REV1: variants seen among roughly 807,000 people sequenced by gnomAD.
REV1 encodes REV1 DNA directed polymerase, also known as translesion synthesis protein REV1.
Under a neutral mutation model 137.4 loss-of-function variants are expected in REV1, and 42 were observed. The ratio of observed to expected loss-of-function variants is 0.31; its 90% CI spans 0.24 to 0.40. The LOEUF is 0.40. Ranked by LOEUF, REV1 falls within the 10% of genes least tolerant of loss-of-function variation. The pLI is 1.00. For missense variants in REV1, 1,282 were observed against 1,490.1 expected, an observed-to-expected ratio of 0.86 and a Z score of 2.30; for synonymous variants, 524 against 519.2, an observed-to-expected ratio of 1.01 and a Z score of -0.12.
At chr2:99,445,572 G>A (rs1682094965) in intron 4 of REV1, among the ~76,000 whole-genome samples, 1 of 152,154 alleles carries the variant, frequency 6.6e-6, no homozygotes, top group Admixed American at 6.5e-5. Flanking sequence ...CAGGTTTGGT[G>A]GGCCAGTGGG....
intron 16 of REV1, 95 bp from the exon 17 acceptor site, chr2:99,406,201 T>G: frequency 7.2e-7 from 1 of 1,387,356 alleles, no homozygotes; most frequent in Non-Finnish European, 9.7e-7. Context: ...TTATTACTGA[T>G]TCATCATAAT....
intron 1 of REV1, among the ~76,000 whole-genome samples, chr2:99,488,831 G>C (rs1052785057): frequency 6.6e-6 from 1 of 152,206 alleles, no homozygotes; most frequent in African/African-American, 2.4e-5. Flanking sequence ...GGAAAGACCA[G>C]ACAGATACAC....
chr2:99,468,640 T>C (rs1685079062), intron 1 of REV1, among the ~76,000 whole-genome samples: 1 of 152,210 alleles, frequency 6.6e-6, no homozygotes, highest in South Asian at 2.1e-4. Context: ...GTGATAACAG[T>C]TTCTGAAACT....
At chr2:99,431,648 T>C in intron 8 of REV1, 1 of 801,618 alleles carries the variant, frequency 1.2e-6, no homozygotes, top group Non-Finnish European at 1.5e-6. Context: ...AAACTTATGC[T>C]TGAGGAGAGA....
intron 11 of REV1, 29 bp from the exon 12 acceptor site, chr2:99,418,976 T>A: frequency 6.5e-7 from 1 of 1,544,166 alleles, no homozygotes; most frequent in African/African-American, 1.4e-5. Flanking sequence ...ATCCAAGAAA[T>A]AGTCACAATT....
chr2:99,446,168 CT>C (rs1559363131), intron 4 of REV1, among the ~76,000 whole-genome samples: 3 of 152,088 alleles, frequency 2.0e-5, no homozygotes, highest in African/African-American at 7.2e-5. Context: ...CTATAACAAG[CT>C]TAATTAAATG....
chr2:99,441,488 T>C (rs763362724), intron 5 of REV1, among the ~76,000 whole-genome samples: 2 of 151,944 alleles, frequency 1.3e-5, no homozygotes, highest in Admixed American at 1.3e-4. Flanking sequence ...AGCAGCCACA[T>C]GGAATAGTCT....
intron 1 of REV1, among the ~76,000 whole-genome samples, chr2:99,485,602 T>C (rs1232033616): frequency 3.3e-5 from 5 of 152,318 alleles, no homozygotes; most frequent in Admixed American, 6.5e-5. Flanking sequence ...GGGAACTCTA[T>C]AAAAGCCACT....
Position 99,402,279 on chromosome 2 carries a change from C to A in REV1, c.3609G>T (p.Leu1203Phe). 6.7e-7 allele frequency: 1 copy of A among 1,485,596 alleles called. No homozygotes were observed. The highest frequency in any genetic ancestry group is 1.2e-5 in the South Asian group (1 of 82,016). The allele number at this position is 1,485,596 out of a possible 1,614,324, so 92.0% of individuals were successfully genotyped here. ...ATTTTATAACTAGATCCAGTTTTTC[C>A]AAATCTTTTTCTTCTATTAGATCAG... ...YCTDLIEEKDLEKLDLVIKYM... is the reference protein window; with the variant it reads ...YCTDLIEEKDFEKLDLVIKYM... The change falls in exon 22 of 23, where the codon TTG becomes TTT. Residue 1203 changes from leucine to phenylalanine, a missense_variant. This residue lies in a region of REV1 where 43 missense variants were observed against 79.1 expected (regional missense o/e 0.54). Coordinates refer to ENST00000258428, the MANE Select transcript of REV1 (RefSeq NM_016316.4).
intron 1 of REV1, among the ~76,000 whole-genome samples, chr2:99,472,090 G>C (rs1297075521): frequency 1.3e-5 from 2 of 151,970 alleles, no homozygotes. Flanking sequence ...GACACAAAGA[G>C]GTATTTATTT....
intron 12 of REV1, among the ~76,000 whole-genome samples, chr2:99,417,024 CAAAG>C (rs969872471): frequency 1.3e-5 from 2 of 150,334 alleles, no homozygotes; most frequent in African/African-American, 4.9e-5. Flanking sequence ...TCTATTAAAA[CAAAG>C]AAAACTACAA....
At chr2:99,462,907 G>T in intron 2 of REV1, 1 of 230,596 alleles carries the variant, frequency 4.3e-6, no homozygotes. Flanking sequence ...GGCCAACATG[G>T]TGAAACCCCG....
Position 99,449,466 on chromosome 2 carries a change from G to C in REV1, c.220C>G (p.His74Asp). 1 of 1,517,184 alleles carries C rather than the reference G, an allele frequency of 6.6e-7. No homozygotes were observed. The highest frequency in any genetic ancestry group is 8.8e-7 in the Non-Finnish European group (1 of 1,137,674). The allele number at this position is 1,517,184 out of a possible 1,614,324, so 94.0% of individuals were successfully genotyped here. A position where few individuals can be genotyped will look rare whatever the true frequency, so the allele number is the denominator to read the frequency against. The change falls in exon 4 of 23, where the codon CAT becomes GAT. Residue 74 changes from histidine to aspartate, a missense_variant. By Grantham distance (81) the His-to-Asp change is moderately conservative. Around this residue, in one of 7 missense-constraint regions of REV1, gnomAD observed 107 missense variants for 164.3 expected, o/e 0.65. Transcript: ENST00000258428. The stretch of plus-strand genomic sequence containing the variant: ...TAATATACATGGTATTGACCTCCAT[G>C]CAACATCATTAGTTTTCTCAATTCC... ...AEELRKLMMLHGGQYHVYYSR... is the reference protein window; with the variant it reads ...AEELRKLMMLDGGQYHVYYSR...
intron 3 of REV1, among the ~76,000 whole-genome samples, chr2:99,459,595 A>G (rs1312661703): frequency 6.6e-6 from 1 of 152,022 alleles, no homozygotes; most frequent in Non-Finnish European, 1.5e-5. Flanking sequence ...GGTCCTAGCT[A>G]CTTGGGAGCC....
At chr2:99,404,381 T>C in intron 18 of REV1, 63 bp downstream of exon 18, 3 of 1,335,454 alleles carry the variant, frequency 2.2e-6, no homozygotes, top group Non-Finnish European at 3.2e-6. Context: ...AGACAGGTCC[T>C]AAGTTGGAGC....
rs767978619 is a variant in REV1 at position 99,412,787 on chromosome 2, C to G, written c.2116G>C (p.Glu706Gln). The G allele has an allele frequency of 1.9e-6, 3 of 1,614,140 alleles. No homozygotes were observed. Among genetic ancestry groups the G allele is most frequent in the Non-Finnish European group, 2.5e-6 (3 of 1,180,008 alleles). ...RGLDDRPVRTEKERKSVSAEI... is the reference protein window; with the variant it reads ...RGLDDRPVRTQKERKSVSAEI... ...GCTGAAACAGATTTTCTTTCCTTTT[C>G]AGTTCGAACTGGTCTATCATCCAAG... The change falls in exon 13 of 23, where the codon GAA (glutamate) becomes CAA (glutamine). Residue 706 changes from glutamate (E) to glutamine (Q), a missense_variant. Transcript: ENST00000258428.
Position 99,425,796 on chromosome 2 carries a change from G to C in REV1, c.1548-1516C>G, listed in dbSNP as rs186732722. Among the ~76,000 whole-genome samples, 113 of 152,304 alleles carry C rather than the reference G, an allele frequency of 7.4e-4. 1 individual carries two copies. Among genetic ancestry groups the C allele is most frequent in the Admixed American group, 3.3e-3 (50 of 15,298 alleles). On this transcript the variant is annotated intron_variant, in intron 9 of 22. Transcript: ENST00000258428. Reference sequence around the variant, plus strand: ...TCATGCCTGTAATCCCAGCACTTTGGGAGGCCGAGGCAGGCAGATCACCTG... The same window carrying C: ...TCATGCCTGTAATCCCAGCACTTTGCGAGGCCGAGGCAGGCAGATCACCTG...
intron 13 of REV1, 86 bp from the exon 14 acceptor site, chr2:99,410,953 T>A: frequency 7.9e-7 from 1 of 1,267,460 alleles, no homozygotes; most frequent in Non-Finnish European, 1.1e-6. Context: ...CTTTGAATAT[T>A]AAACATGTTG....
intron 5 of REV1, among the ~76,000 whole-genome samples, chr2:99,439,632 AAC>A (rs1183596729): frequency 6.6e-6 from 1 of 152,206 alleles, no homozygotes; most frequent in African/African-American, 2.4e-5. Flanking sequence ...AATAAAATAG[AAC>A]ATTTCTCATG....
Sources: allele counts gnomAD v4.1 joint callset (sites outside exome capture counted in the v4.1 genomes callset), GRCh38; gene constraint gnomAD v4.1.1; regional missense constraint gnomAD v4.1.1; transcripts MANE v1.5; gene names NCBI Gene and HGNC (gene_info 2026-07-23, HGNC 2026-07-21).